KCNH5: variants seen among roughly 807,000 people sequenced by gnomAD.
KCNH5 encodes voltage-gated delayed rectifier potassium channel KCNH5.
Under a neutral mutation model 96.1 loss-of-function variants are expected in KCNH5, and 46 were observed. That is an observed-to-expected ratio of 0.48 (90% CI 0.38 to 0.61). KCNH5 has a LOEUF of 0.61. KCNH5 is among the 20% of genes least tolerant of loss of function. The pLI, the probability that KCNH5 is intolerant of heterozygous loss-of-function variation, is 0.00. For missense variants in KCNH5, 907 were observed against 1,225.8 expected (o/e 0.74, Z 3.88); for synonymous variants, 439 against 449.8 (o/e 0.98, Z 0.30).
At chr14:63,001,501 C>G in intron 3 of KCNH5, 42 bp from the exon 4 acceptor site, 1 of 1,571,412 alleles carries the variant, frequency 6.4e-7, no homozygotes, top group Non-Finnish European at 8.6e-7. Flanking sequence ...TAGAGTGTGG[C>G]ACGGCCACAG....
intron 8 of KCNH5, among the ~76,000 whole-genome samples, chr14:62,825,082 CT>C (rs1887195064): frequency 6.6e-6 from 1 of 152,034 alleles, no homozygotes; most frequent in South Asian, 2.1e-4. Flanking sequence ...GTGTACGTGT[CT>C]TTTCAGTAGA....
At chr14:62,867,166 C>T (rs1298800094) in intron 7 of KCNH5, among the ~76,000 whole-genome samples, 4 of 152,140 alleles carry the variant, frequency 2.6e-5, no homozygotes, top group African/African-American at 4.8e-5. Context: ...GGCAGAGCCC[C>T]GTCATGTGGC....
intron 7 of KCNH5, among the ~76,000 whole-genome samples, chr14:62,854,661 T>C (rs574615248): frequency 6.6e-6 from 1 of 152,022 alleles, no homozygotes; most frequent in African/African-American, 2.4e-5. Context: ...GGTTAATTTG[T>C]GACAATTTCA....
chr14:62,759,241 T>TGC (rs1885693278), intron 10 of KCNH5, among the ~76,000 whole-genome samples: 1 of 26,104 alleles, frequency 3.8e-5, no homozygotes, highest in African/African-American at 1.1e-4. Context: ...ATTAGTCAGC[T>TGC]GTTTTTGACA....
intron 3 of KCNH5, among the ~76,000 whole-genome samples, chr14:63,004,396 A>T (rs1566537404): frequency 6.6e-6 from 1 of 152,208 alleles, no homozygotes; most frequent in Non-Finnish European, 1.5e-5. Flanking sequence ...TATGGGGTAT[A>T]TATCCCATTG....
Position 62,955,681 on chromosome 14 carries a change from T to C in KCNH5, c.943-5122A>G, listed in dbSNP as rs147017669. Among the ~76,000 whole-genome samples the C allele has an allele frequency of 3.4e-4, 52 of 152,240 alleles. No individual in the cohort carries two copies. In the East Asian group the frequency reaches 8.5e-3, roughly 25 times the overall value. Reference sequence around the variant, plus strand: ...TAAACATGAGCATTCTCTACATGACTGAATAAAGTAGATTAAATACCTAGC... The same window carrying C: ...TAAACATGAGCATTCTCTACATGACCGAATAAAGTAGATTAAATACCTAGC... On this transcript the variant is annotated intron_variant, in intron 6 of 10. Transcript: ENST00000322893.
At chr14:62,778,279 G>T (rs1220048086) in intron 10 of KCNH5, among the ~76,000 whole-genome samples, 1 of 152,130 alleles carries the variant, frequency 6.6e-6, no homozygotes, top group Non-Finnish European at 1.5e-5. Context: ...TACAGGAAAA[G>T]TGGGCTCTTG....
chr14:62,708,291 G>C lies in KCNH5; in HGVS notation c.2184C>G (p.Asp728Glu). 1.2e-6 allele frequency: 2 copies of C among 1,614,150 alleles called. No individual in the cohort carries two copies. Among genetic ancestry groups the C allele is most frequent in the South Asian group, 2.2e-5 (2 of 91,084 alleles). Residue 728 changes from aspartate (D) to glutamate (E), a missense_variant, in exon 11 of 11, where the codon GAC becomes GAG. By Grantham distance (45) the Asp-to-Glu change is conservative. Transcript: ENST00000322893. ...ELRNQGSTQG[D>E]PERNQLQVES... ...CTACCTGGAGTTGGTTCCTCTCAGG[G>C]TCACCCTGTGTTGAGCCCTGATTCC...
chr14:62,816,663 A>G (rs994946083), intron 8 of KCNH5, among the ~76,000 whole-genome samples: 1 of 152,026 alleles, frequency 6.6e-6, no homozygotes, highest in African/African-American at 2.4e-5. Context: ...GCTTCCTAGA[A>G]TTTTCCATGG....
At chr14:62,785,548 A>G (rs1434910940) in intron 9 of KCNH5, among the ~76,000 whole-genome samples, 4 of 152,198 alleles carry the variant, frequency 2.6e-5, no homozygotes, top group Non-Finnish European at 5.9e-5. Flanking sequence ...ACCTCCCCTC[A>G]AAGTACTAAA....
At chr14:63,024,300 G>A (rs1253475084) in intron 1 of KCNH5, among the ~76,000 whole-genome samples, 1 of 151,576 alleles carries the variant, frequency 6.6e-6, no homozygotes, top group Non-Finnish European at 1.5e-5. Context: ...GTTTTTAGAG[G>A]GAAGTTTATA....
intron 3 of KCNH5, among the ~76,000 whole-genome samples, chr14:63,003,038 C>T (rs1891040162): frequency 6.6e-6 from 1 of 151,920 alleles, no homozygotes; most frequent in Non-Finnish European, 1.5e-5. Context: ...GGGTCATAAA[C>T]AAAGAGAAAA....
chr14:63,033,746 G>C (rs1891671643), intron 1 of KCNH5, among the ~76,000 whole-genome samples: 1 of 148,142 alleles, frequency 6.8e-6, no homozygotes, highest in Non-Finnish European at 1.5e-5. Context: ...GCAATTCTTA[G>C]ACATTGTTAA....
rs1889983129 is a variant in KCNH5 at position 62,950,534 on chromosome 14, A to C, written c.968T>G (p.Leu323Ter). The C allele has an allele frequency of 6.2e-7, 1 of 1,600,030 alleles. No homozygotes were observed. Residue 323 changes from leucine to a stop codon, truncating the protein, a stop_gained, in exon 7 of 11, where the codon TTA becomes TGA. Transcript: ENST00000322893. LOFTEE classifies it high-confidence loss of function. ...CAGTCGTAAGAGACGCACCACTTTTAAAGAACTGAAGAGACTGCTGATTCC... is the reference window on the plus strand; with the variant it reads ...CAGTCGTAAGAGACGCACCACTTTTCAAGAACTGAAGAGACTGCTGATTCC... ...DEGISSLFSS[L>*]KVVRLLRLGR...
chr14:62,908,966 G>T (rs2140098906), intron 7 of KCNH5, among the ~76,000 whole-genome samples: 1 of 144,244 alleles, frequency 6.9e-6, no homozygotes, highest in East Asian at 2.1e-4. Flanking sequence ...CTCAACCAAA[G>T]TTTTAAGTAA....
intron 6 of KCNH5, among the ~76,000 whole-genome samples, chr14:62,960,394 C>A (rs1890183766): frequency 6.6e-6 from 1 of 152,040 alleles, no homozygotes; most frequent in East Asian, 1.9e-4. Context: ...CTCTTGGGAA[C>A]CTAGTGATTT....
rs144171433 is a variant in KCNH5 at position 62,897,057 on chromosome 14, G to A, written c.1370-47205C>T. ...TCAGCAACTGAGAAATGTAACTCAT[G>A]GTCACTGTGAGCAGTGGCTAGAACT... On this transcript the variant is annotated intron_variant, in intron 7 of 10. Transcript: ENST00000322893. Among the ~76,000 whole-genome samples, 270 of 152,278 alleles carry A rather than the reference G, an allele frequency of 1.8e-3. 5 individuals carry two copies. Among genetic ancestry groups the A allele is most frequent in the African/African-American group, 6.1e-3 (254 of 41,584 alleles).
intron 10 of KCNH5, among the ~76,000 whole-genome samples, chr14:62,747,648 CA>C (rs1287947140): frequency 6.6e-6 from 1 of 152,162 alleles, no homozygotes; most frequent in Admixed American, 6.5e-5. Flanking sequence ...GCACATGCAG[CA>C]AAACAGTACA....
chr14:62,911,742 A>G (rs1331541022), intron 7 of KCNH5, among the ~76,000 whole-genome samples: 1 of 151,868 alleles, frequency 6.6e-6, no homozygotes, highest in East Asian at 1.9e-4. Context: ...TTTTAACTCA[A>G]AAACTGTCAA....
Sources: gnomAD v4.1 joint callset for allele counts (sites outside exome capture counted in the v4.1 genomes callset) on GRCh38, gnomAD v4.1.1 for gene constraint, MANE v1.5 for transcripts, NCBI Gene and HGNC (gene_info 2026-07-23, HGNC 2026-07-21) for gene names.